The following ARFGEF1 variants were observed in gnomAD, a reference collection of about 807,000 sequenced individuals.
ARFGEF1 encodes the protein ARF guanine nucleotide exchange factor 1, also known as brefeldin A-inhibited guanine nucleotide-exchange protein 1.
ARFGEF1 carries 42 observed loss-of-function variants against 231.0 expected under a neutral mutation model. The ratio of observed to expected loss-of-function variants is 0.18; its 90% CI spans 0.14 to 0.24. ARFGEF1 has a LOEUF of 0.24. ARFGEF1 is among the 10% of genes least tolerant of loss of function. The probability of loss-of-function intolerance (pLI) is 1.00; values close to 1 mark genes in which losing one functional copy is unlikely to be tolerated. For synonymous variants in ARFGEF1, 710 were observed against 732.3 expected, an observed-to-expected ratio of 0.97 and a Z score of 0.49; for missense variants, 1,345 against 2,192.0, an observed-to-expected ratio of 0.61 and a Z score of 7.72.
intron 29 of ARFGEF1, among the ~76,000 whole-genome samples, chr8:67,224,396 C>T (rs1839304104): frequency 6.6e-6 from 1 of 152,104 alleles, no homozygotes; most frequent in African/African-American, 2.4e-5. Context: ...TACAGATTGA[C>T]TATATGTTCA....
chr8:67,253,050 T>A (rs1840347689), intron 18 of ARFGEF1, among the ~76,000 whole-genome samples: 1 of 152,214 alleles, frequency 6.6e-6, no homozygotes, highest in Non-Finnish European at 1.5e-5. Context: ...AAATGCACAC[T>A]GACACATGCA....
chr8:67,299,006 AC>A (rs1806362077), intron 4 of ARFGEF1, among the ~76,000 whole-genome samples: 1 of 151,818 alleles, frequency 6.6e-6, no homozygotes, highest in Non-Finnish European at 1.5e-5. Flanking sequence ...CTGCTCTCAA[AC>A]TCCTGACCTC....
At chr8:67,180,875 A>G (rs112210869) in intron 5 of ARFGEF1, among the ~76,000 whole-genome samples, 3,358 of 152,048 alleles carry the variant, frequency 0.022, 80 homozygotes, top group South Asian at 0.046. Flanking sequence ...TTAAAGTAGT[A>G]TACACTTACG....
In ARFGEF1 at chr8:67,201,267, G is replaced by C. The variant is rs1302909259; in HGVS notation, c.5267+200C>G. Among the ~76,000 whole-genome samples, 3 of 152,294 alleles carry C rather than the reference G, an allele frequency of 2.0e-5. No homozygotes were observed. The South Asian group carries it at 6.2e-4, about 32-fold the overall frequency. The stretch of plus-strand genomic sequence containing the variant: ...TAAAACAGAAAACCTCCTTTGTCCT[G>C]CATGTTAGACATGATTTGGCCACAT... On this transcript the variant is annotated intron_variant, in intron 37 of 38. Transcript: ENST00000262215.
chr8:67,324,467 T>C (rs1807738391), intron 1 of ARFGEF1, among the ~76,000 whole-genome samples: 1 of 152,166 alleles, frequency 6.6e-6, no homozygotes, highest in African/African-American at 2.4e-5. Flanking sequence ...TTCCTATAAT[T>C]CTATGGCAAA....
intron 22 of ARFGEF1, among the ~76,000 whole-genome samples, chr8:67,235,363 C>T (rs989866605): frequency 2.0e-5 from 3 of 151,882 alleles, no homozygotes; most frequent in African/African-American, 7.3e-5. Context: ...ACTAATTCAA[C>T]CTAGACCTAG....
Position 67,301,211 on chromosome 8 carries a change from A to T in ARFGEF1, c.312+13T>A, listed in dbSNP as rs536587805. ...AAGTACACAGTTTTTAGAAAGTGCC[A>T]TTTTAGACATACCTGTAAGCAATCT... On this transcript the variant is annotated intron_variant, in intron 3 of 38. Coordinates refer to ENST00000262215, the MANE Select transcript of ARFGEF1 (RefSeq NM_006421.5). The T allele has an allele frequency of 1.8e-5, 29 of 1,587,796 alleles. No homozygotes were observed. The East Asian group carries it at 6.3e-4, about 35-fold the overall frequency.
chr8:67,186,418 TA>T (rs60962928), intron 5 of ARFGEF1, among the ~76,000 whole-genome samples: 65,575 of 140,284 alleles, frequency 0.47, 14,805 homozygotes, highest in East Asian at 0.6. Context: ...TGTTTTAAAT[TA>T]AAAAAAAAAA....
At chr8:67,292,377 TTGTG>T (rs1305576451) in intron 5 of ARFGEF1, among the ~76,000 whole-genome samples, 1 of 152,188 alleles carries the variant, frequency 6.6e-6, no homozygotes, top group African/African-American at 2.4e-5. Context: ...TATTTGGTGT[TTGTG>T]TGGATGAAAC....
At chr8:67,274,965 T>C (rs760462615) in intron 9 of ARFGEF1, among the ~76,000 whole-genome samples, 6 of 152,144 alleles carry the variant, frequency 3.9e-5, no homozygotes, top group Non-Finnish European at 8.8e-5. Flanking sequence ...TTTAGGCTTC[T>C]GGGACTAAAG....
intron 1 of ARFGEF1, among the ~76,000 whole-genome samples, chr8:67,340,859 T>TG (rs1483242781): frequency 6.6e-6 from 1 of 152,152 alleles, no homozygotes; most frequent in Non-Finnish European, 1.5e-5. Flanking sequence ...TAGACAACCC[T>TG]GGTACAGTTG....
chr8:67,202,954 G>T, intron 36 of ARFGEF1, 129 bp downstream of exon 36: 2 of 932,070 alleles, frequency 2.1e-6, no homozygotes, highest in African/African-American at 1.7e-5. Flanking sequence ...CTTTATTACT[G>T]TTAAGGTCAG....
intron 22 of ARFGEF1, among the ~76,000 whole-genome samples, chr8:67,236,317 C>CAA (rs1170379472): frequency 1.2e-3 from 15 of 12,092 alleles, no homozygotes; most frequent in African/African-American, 2.1e-3. Context: ...GACTGTGACT[C>CAA]AAAAAAAAAA....
chr8:67,332,711 T>C (rs112423342), intron 1 of ARFGEF1, among the ~76,000 whole-genome samples: 96 of 152,354 alleles, frequency 6.3e-4, no homozygotes, highest in African/African-American at 2.1e-3. Flanking sequence ...CTTCTTTTCC[T>C]TTTTGTATTG....
chr8:67,323,967 A>AT (rs937981388), intron 1 of ARFGEF1, among the ~76,000 whole-genome samples: 33 of 152,020 alleles, frequency 2.2e-4, no homozygotes, highest in African/African-American at 7.7e-4. Context: ...CGCCTGGCTG[A>AT]TTTTTTTGTA....
intron 1 of ARFGEF1, among the ~76,000 whole-genome samples, chr8:67,329,799 A>G (rs1420579424): frequency 1.3e-5 from 2 of 151,934 alleles, no homozygotes; most frequent in East Asian, 3.8e-4. Flanking sequence ...AGTGAGATAT[A>G]TCTTACACAG....
intron 13 of ARFGEF1, 81 bp downstream of exon 13, chr8:67,266,795 G>T (rs1587169072): frequency 9.6e-7 from 1 of 1,041,894 alleles, no homozygotes; most frequent in Non-Finnish European, 1.4e-6. Context: ...CATGAAATTG[G>T]TTTAACAGCA....
At chr8:67,233,827 C>T (rs978138376) in intron 22 of ARFGEF1, among the ~76,000 whole-genome samples, 2 of 152,060 alleles carry the variant, frequency 1.3e-5, no homozygotes, top group Non-Finnish European at 2.9e-5. Context: ...TGTGCCATCC[C>T]TCAACTATCT....
intron 5 of ARFGEF1, among the ~76,000 whole-genome samples, chr8:67,181,339 T>A (rs2129571258): frequency 1.1e-5 from 1 of 92,446 alleles, no homozygotes; most frequent in East Asian, 2.6e-4. Context: ...TACCTGGCCA[T>A]TTTTTTTTTT....
Sources: gnomAD v4.1 joint callset for allele counts (sites outside exome capture counted in the v4.1 genomes callset) on GRCh38, gnomAD v4.1.1 for gene constraint, MANE v1.5 for transcripts, NCBI Gene and HGNC (gene_info 2026-07-23, HGNC 2026-07-21) for gene names.